SLC23A1: variants seen among roughly 807,000 people sequenced by gnomAD.
SLC23A1 encodes the protein Na(+)/L-ascorbic acid transporter 1.
A neutral mutation model predicts 62.5 loss-of-function variants in SLC23A1; 31 were observed. The ratio of observed to expected loss-of-function variants is 0.50; its 90% confidence interval spans 0.37 to 0.67. SLC23A1 has a LOEUF of 0.67. Among genes scored for constraint, SLC23A1 ranks in the 30% least tolerant of loss-of-function variants. SLC23A1 has a pLI of 0.00. For missense variants in SLC23A1, 640 were observed against 782.7 expected, an observed-to-expected ratio of 0.82 and a Z score of 2.18; for synonymous variants, 271 against 313.2, an observed-to-expected ratio of 0.87 and a Z score of 1.42.
chr5:139,382,515 G>C lies in SLC23A1; in HGVS notation c.127C>G (p.Leu43Val), dbSNP rs1382528288. The C allele has an allele frequency of 6.2e-7, 1 of 1,612,808 alleles. No individual in the cohort carries two copies. The highest frequency in any genetic ancestry group is 1.7e-5 in the Admixed American group (1 of 59,964). The stretch of plus-strand genomic sequence containing the variant: ...ACCTGGAAGCCCAGCAGGATGCACA[G>C]GTACCAAGGTGGCACGTCCTCGATC... Reference protein sequence around the residue: ...YKIEDVPPWYLCILLGFQHYL... With the variant: ...YKIEDVPPWYVCILLGFQHYL... Residue 43 changes from leucine (L) to valine (V), a missense_variant, in exon 2 of 15, where the codon CTG becomes GTG. Coordinates refer to ENST00000348729, the MANE Select transcript of SLC23A1 (RefSeq NM_005847.5).
chr5:139,372,346 C>T, intron 13 of SLC23A1, 93 bp from the exon 14 acceptor site: 1 of 1,184,806 alleles, frequency 8.4e-7, no homozygotes, highest in Non-Finnish European at 1.2e-6. Context: ...CTTCTGGAAT[C>T]AAGTATCTTC....
intron 4 of SLC23A1, 47 bp from the exon 5 acceptor site, chr5:139,380,679 G>C: frequency 6.5e-6 from 10 of 1,528,426 alleles, no homozygotes; most frequent in Non-Finnish European, 9.1e-6. Context: ...TACAGAGACA[G>C]AGAGGGAGAG....
intron 13 of SLC23A1, 67 bp from the exon 14 acceptor site, chr5:139,372,320 C>A: frequency 4.1e-6 from 6 of 1,476,344 alleles, no homozygotes; most frequent in Non-Finnish European, 5.6e-6. Flanking sequence ...TTCCCATAAC[C>A]CAGTCCTAAG....
In SLC23A1 at chr5:139,379,481, G is replaced by A; in HGVS notation, c.926-127C>T. On this transcript the variant is annotated intron_variant, in intron 8 of 14. Coordinates refer to ENST00000348729, the MANE Select transcript of SLC23A1 (RefSeq NM_005847.5). The surrounding 1 kb of genome is among the most constrained non-coding windows in gnomAD (Gnocchi z 4.7). ...CTCAGGCTGGGATGGGAGCTATACA[G>A]TTGTGGGAGCTTATTTGAGTCACTC... is the stretch of plus-strand genomic sequence containing the variant. 1 of 1,079,432 alleles carries A rather than the reference G, an allele frequency of 9.3e-7. No individual in the cohort carries two copies. Among genetic ancestry groups the A allele is most frequent in the Non-Finnish European group, 1.4e-6 (1 of 715,202 alleles). The allele number at this position is 1,079,432 out of a possible 1,614,324, so 66.9% of individuals were successfully genotyped here.
chr5:139,380,703 G>A, intron 4 of SLC23A1, 71 bp from the exon 5 acceptor site: 1 of 1,482,424 alleles, frequency 6.7e-7, no homozygotes, highest in Non-Finnish European at 9.4e-7. Flanking sequence ...ATGCTGCCAT[G>A]GCTGCACCCT....
chr5:139,377,936 C>A, intron 12 of SLC23A1, 39 bp downstream of exon 12: 1 of 1,598,166 alleles, frequency 6.3e-7, no homozygotes, highest in Non-Finnish European at 8.5e-7. Flanking sequence ...AAATTTTGGG[C>A]CCACCCCGCC....
In SLC23A1 at chr5:139,377,465, G is replaced by A; in HGVS notation, c.1486C>T (p.Leu496=). The A allele has an allele frequency of 6.2e-7, 1 of 1,610,736 alleles. No homozygotes were observed. Among genetic ancestry groups the A allele is most frequent in the East Asian group, 2.2e-5 (1 of 44,872 alleles). The change falls in exon 13 of 15, where the codon CTG becomes TTG. Residue 496 remains leucine, a synonymous_variant. Transcript: ENST00000348729. ...CCCACAAACATCTCCGTGGTCAGCAGCACAATCAGAATCTGATCCACTTCA... is the reference window on the plus strand; with the variant it reads ...CCCACAAACATCTCCGTGGTCAGCAACACAATCAGAATCTGATCCACTTCA... ...ILEVDQILIV[L]LTTEMFVGGC...
In SLC23A1 at chr5:139,372,015, G is replaced by A. The variant is rs748538278; in HGVS notation, c.1788C>T (p.Thr596=). 1 of 1,613,458 alleles carries A rather than the reference G, an allele frequency of 6.2e-7. No homozygotes were observed. The highest frequency in any genetic ancestry group is 8.5e-7 in the Non-Finnish European group (1 of 1,179,512). ...TCCTGGAAGTCATTTTTCAGACCTT[G>A]GTGCACACAGATGCAGTTTCTGTAT... ...PENTETASVC[T]KV Residue 596 remains threonine (T), a synonymous_variant, in exon 14 of 15, where the codon ACC becomes ACT. Coordinates refer to ENST00000348729, the MANE Select transcript of SLC23A1 (RefSeq NM_005847.5).
At chr5:139,383,184 G>GA (rs1554162148) in intron 1 of SLC23A1, 34 bp downstream of exon 1, 3 of 239,298 alleles carry the variant, frequency 1.3e-5, no homozygotes, top group Non-Finnish European at 7.0e-6. Context: ...CACCCCCCCT[G>GA]CCCCCCCTAG....
chr5:139,369,309 G>A (rs1265037832), intron 14 of SLC23A1: 1 of 153,024 alleles, frequency 6.5e-6, no homozygotes, highest in Non-Finnish European at 1.5e-5. Flanking sequence ...TTAGTCAGCA[G>A]ATGAGTGCCA....
At chr5:139,381,842 A>G (rs1274713889) in intron 3 of SLC23A1, 50 bp downstream of exon 3, 9 of 1,455,796 alleles carry the variant, frequency 6.2e-6, no homozygotes, top group Non-Finnish European at 8.4e-6. Flanking sequence ...TGCTGTGTGG[A>G]TCACAGTGGA....
Position 139,378,877 on chromosome 5 carries a change from T to A in SLC23A1, c.1074-193A>T, listed in dbSNP as rs1758086596. Among the ~76,000 whole-genome samples the A allele has an allele frequency of 6.6e-6, 1 of 152,160 alleles. No homozygotes were observed. The highest frequency in any genetic ancestry group is 1.5e-5 in the Non-Finnish European group (1 of 68,030). On this transcript the variant is annotated intron_variant, in intron 9 of 14. Transcript: ENST00000348729. The surrounding 1 kb of genome is among the most constrained non-coding windows in gnomAD (Gnocchi z 4.5). ...CCCTGGCACTTACTCCTGTGGGTAA[T>A]TCTGGCCTTCAATTTCCTCCTGGGA...
upstream of SLC23A1, chr5:139,384,480 G>A: frequency 7.8e-7 from 1 of 1,289,854 alleles, no homozygotes; most frequent in Non-Finnish European, 1.0e-6. Context: ...TGTCCACACT[G>A]TTCCTCTGTC....
intron 5 of SLC23A1, 68 bp downstream of exon 5, chr5:139,380,497 G>A (rs531023107): frequency 1.9e-5 from 30 of 1,591,310 alleles, no homozygotes; most frequent in African/African-American, 1.6e-4. Context: ...CAAACTCAGC[G>A]GCCACCCTCA....
upstream of SLC23A1, chr5:139,383,443 C>T (rs1758388749): frequency 1.6e-6 from 2 of 1,261,788 alleles, no homozygotes; most frequent in South Asian, 4.8e-5. Context: ...ACAGTAAAAG[C>T]CACCCAAGCC....
At position 139,381,981 on chromosome 5, in the gene SLC23A1, G is replaced by A; in HGVS notation, c.219C>T (p.Gly73=). The A allele has an allele frequency of 6.2e-7, 1 of 1,602,850 alleles. No homozygotes were observed. Among genetic ancestry groups the A allele is most frequent in the Non-Finnish European group, 8.5e-7 (1 of 1,174,962 alleles). ...PFLLAEALCV[G]HDQHMVSQLI... Reference sequence around the variant, plus strand: ...GCTGACTAACCATGTGCTGGTCGTGGCCCACACACAGCGCCTCAGCCAGCA... The same window carrying A: ...GCTGACTAACCATGTGCTGGTCGTGACCCACACACAGCGCCTCAGCCAGCA... The change falls in exon 3 of 15, where the codon GGC becomes GGT. Residue 73 remains glycine (G), a synonymous_variant. Transcript: ENST00000348729.
chr5:139,374,395 C>T (rs1157157528), intron 13 of SLC23A1, among the ~76,000 whole-genome samples: 1 of 152,206 alleles, frequency 6.6e-6, no homozygotes, highest in African/African-American at 2.4e-5. Flanking sequence ...CAAGATTGCG[C>T]CACTGCACTC....
chr5:139,373,285 C>T (rs1228185003), intron 13 of SLC23A1, among the ~76,000 whole-genome samples: 1 of 151,926 alleles, frequency 6.6e-6, no homozygotes, highest in Non-Finnish European at 1.5e-5. Flanking sequence ...GCAAGCGATT[C>T]TCCTGCCTCA....
At chr5:139,385,543 G>A, upstream of SLC23A1, among the ~76,000 whole-genome samples, 1 of 152,218 alleles carries the variant, frequency 6.6e-6, no homozygotes, top group East Asian at 1.9e-4. Context: ...GTGCCACAAG[G>A]TGGCCTGCGT....
Sources: gnomAD v4.1 joint callset for allele counts (sites outside exome capture counted in the v4.1 genomes callset) on GRCh38, gnomAD v4.1.1 for gene constraint, Gnocchi (gnomAD v3.1) non-coding constraint, MANE v1.5 for transcripts, NCBI Gene and HGNC (gene_info 2026-07-23, HGNC 2026-07-21) for gene names.